OLFM2: variants seen among roughly 807,000 people sequenced by gnomAD.
OLFM2 encodes the protein olfactomedin 2, also known as noelin-2.
A neutral mutation model predicts 43.9 loss-of-function variants in OLFM2; 20 were observed. That is an observed-to-expected ratio of 0.46 (90% CI 0.32 to 0.66). OLFM2 has a LOEUF of 0.66. Among genes scored for constraint, OLFM2 ranks in the 30% least tolerant of loss-of-function variants. The probability of loss-of-function intolerance (pLI) is 0.04; values close to 1 mark genes in which losing one functional copy is unlikely to be tolerated. For missense variants in OLFM2, 416 were observed against 643.6 expected, an observed-to-expected ratio of 0.65 and a Z score of 3.83; for synonymous variants, 268 against 278.6, an observed-to-expected ratio of 0.96 and a Z score of 0.38.
At chr19:9,931,469 G>A (rs945209526) in intron 1 of OLFM2, among the ~76,000 whole-genome samples, 14 of 152,028 alleles carry the variant, frequency 9.2e-5, no homozygotes, top group African/African-American at 2.7e-4. Flanking sequence ...TTAGGAGGCC[G>A]AGGCAGACAA....
At chr19:9,855,397 C>A (rs187618346) in intron 5 of OLFM2, among the ~76,000 whole-genome samples, 8 of 151,790 alleles carry the variant, frequency 5.3e-5, no homozygotes, top group African/African-American at 1.9e-4. Context: ...CATCCCACCA[C>A]ACCCGGCTAA....
intron 1 of OLFM2, among the ~76,000 whole-genome samples, chr19:9,899,623 G>A (rs1285149209): frequency 6.6e-6 from 1 of 152,006 alleles, no homozygotes; most frequent in Non-Finnish European, 1.5e-5. Context: ...TGTAACCATG[G>A]CTCACTGCAG....
chr19:9,910,065 A>C (rs1308778527), intron 1 of OLFM2, among the ~76,000 whole-genome samples: 1 of 152,050 alleles, frequency 6.6e-6, no homozygotes, highest in Non-Finnish European at 1.5e-5. Context: ...ATTCCCCCTG[A>C]CTAATAAGGA....
At chr19:9,871,144 G>A (rs553772511) in intron 1 of OLFM2, among the ~76,000 whole-genome samples, 2 of 152,090 alleles carry the variant, frequency 1.3e-5, no homozygotes, top group Admixed American at 1.3e-4. Flanking sequence ...GGTGGCGAGA[G>A]CCTGTAATCC....
In OLFM2 at chr19:9,853,850, A is replaced by G; in HGVS notation, c.*336T>C. ...GAGTGAGGGATGAGGAATGGGTGGG[A>G]AGCAAGGAGGGAGGGGTGGAAGGAC... On this transcript the variant is annotated 3_prime_UTR_variant, in exon 6 of 6. Transcript: ENST00000264833. The G allele has an allele frequency of 1.9e-6, 1 of 513,486 alleles. No homozygotes were observed. Among genetic ancestry groups the G allele is most frequent in the Non-Finnish European group, 3.4e-6 (1 of 294,696 alleles). The allele number at this position is 513,486 out of a possible 1,614,324, so 31.8% of individuals were successfully genotyped here. A position where few individuals can be genotyped will look rare whatever the true frequency, so the allele number is the denominator to read the frequency against.
At chr19:9,918,240 G>C (rs1262923793) in intron 1 of OLFM2, among the ~76,000 whole-genome samples, 2 of 151,930 alleles carry the variant, frequency 1.3e-5, no homozygotes, top group African/African-American at 4.8e-5. Flanking sequence ...GCCCAGGCTG[G>C]AGTGCAGTGG....
chr19:9,854,415 A>G lies in OLFM2; in HGVS notation c.1136T>C (p.Val379Ala), dbSNP rs2046296476. The G allele has an allele frequency of 1.9e-6, 3 of 1,614,206 alleles. No individual in the cohort carries two copies. Among genetic ancestry groups the G allele is most frequent in the Non-Finnish European group, 2.5e-6 (3 of 1,180,044 alleles). ...CAGGTGGGAGTTGGTCACGTAGAGC[A>G]CACCGCAGATCATGAAGGCCTCGCC... The part of the protein sequence containing the change: ...SAGEAFMICG[V>A]LYVTNSHLAG... Residue 379 changes from valine to alanine, a missense_variant, in exon 6 of 6, where the codon GTG becomes GCG. Val to Ala is a moderately conservative substitution (Grantham distance 64). Transcript: ENST00000264833. The surrounding 1 kb of genome is among the most constrained non-coding windows in gnomAD (Gnocchi z 9.5).
intron 2 of OLFM2, among the ~76,000 whole-genome samples, chr19:9,859,278 A>G (rs529559493): frequency 1.4e-4 from 22 of 152,286 alleles, no homozygotes; most frequent in Admixed American, 3.9e-4. Flanking sequence ...ATTAAGTGGG[A>G]AATTCCAGAA....
intron 1 of OLFM2, among the ~76,000 whole-genome samples, chr19:9,889,202 C>T (rs1462858692): frequency 6.6e-6 from 1 of 151,812 alleles, no homozygotes; most frequent in African/African-American, 2.4e-5. Flanking sequence ...TGAGCTGTGG[C>T]CATGTGTCTC....
chr19:9,874,330 T>TTTA (rs1460011328), intron 1 of OLFM2, among the ~76,000 whole-genome samples: 3 of 149,000 alleles, frequency 2.0e-5, no homozygotes, highest in African/African-American at 7.4e-5. Context: ...CCACTGGCCT[T>TTTA]TTTTTTTTTT....
intron 1 of OLFM2, among the ~76,000 whole-genome samples, chr19:9,922,147 C>T (rs1224072231): frequency 6.6e-6 from 1 of 150,748 alleles, no homozygotes; most frequent in East Asian, 1.9e-4. Flanking sequence ...GATTAAAAGA[C>T]ACCACTAAGA....
In OLFM2 at chr19:9,853,953, A is replaced by G. The variant is rs1568364416; in HGVS notation, c.*233T>C. The G allele has an allele frequency of 6.9e-6, 4 of 580,940 alleles. No individual in the cohort carries two copies. Among genetic ancestry groups the G allele is most frequent in the South Asian group, 4.4e-5 (2 of 45,012 alleles). 36.0% of individuals were successfully genotyped at this position (580,940 alleles called of 1,614,324 possible). On this transcript the variant is annotated 3_prime_UTR_variant, in exon 6 of 6. Transcript: ENST00000264833. ...CCATAAAAAGAAAAAGACATCCATA[A>G]AAAGGCAGAAAGAAAGAAGTGGTGT... is the stretch of plus-strand genomic sequence containing the variant.
chr19:9,873,843 A>T (rs750817472), intron 1 of OLFM2, among the ~76,000 whole-genome samples: 59 of 108,294 alleles, frequency 5.4e-4, no homozygotes, highest in Non-Finnish European at 9.3e-4. Context: ...TAGAGACAGG[A>T]TCTCACTATG....
chr19:9,928,290 C>T (rs1034453831), intron 1 of OLFM2, among the ~76,000 whole-genome samples: 5 of 152,062 alleles, frequency 3.3e-5, no homozygotes, highest in Non-Finnish European at 7.4e-5. Flanking sequence ...CTGGGATTCA[C>T]CAGGACTCTC....
intron 1 of OLFM2, among the ~76,000 whole-genome samples, chr19:9,914,903 T>A: frequency 6.6e-6 from 1 of 151,736 alleles, no homozygotes; most frequent in East Asian, 2.0e-4. Context: ...GAGGCGGCGA[T>A]GACTCAGGCC....
intron 5 of OLFM2, among the ~76,000 whole-genome samples, chr19:9,855,468 C>T (rs2046309182): frequency 2.6e-5 from 4 of 151,772 alleles, no homozygotes; most frequent in Admixed American, 2.6e-4. Context: ...CTCAAACTCC[C>T]GACCTTGTGA....
intron 1 of OLFM2, among the ~76,000 whole-genome samples, chr19:9,872,510 G>C (rs952375039): frequency 9.9e-5 from 8 of 80,430 alleles, no homozygotes; most frequent in Non-Finnish European, 1.8e-4. Flanking sequence ...GCGAGACCCT[G>C]TCTCAAAAGA....
chr19:9,936,235 C>T (rs2086513986), intron 1 of OLFM2, 69 bp downstream of exon 1: 1 of 1,492,622 alleles, frequency 6.7e-7, no homozygotes, highest in Non-Finnish European at 9.0e-7. Flanking sequence ...CCCGTTTCTC[C>T]GGGAACCCTC....
At chr19:9,883,533 C>T (rs931420542) in intron 1 of OLFM2, among the ~76,000 whole-genome samples, 1 of 152,038 alleles carries the variant, frequency 6.6e-6, no homozygotes, top group Admixed American at 6.6e-5. Context: ...TCAAAGCTGC[C>T]GGAGAGAGGC....
Sources: allele counts gnomAD v4.1 joint callset (sites outside exome capture counted in the v4.1 genomes callset), GRCh38; gene constraint gnomAD v4.1.1; non-coding constraint Gnocchi (gnomAD v3.1); transcripts MANE v1.5; gene names NCBI Gene and HGNC (gene_info 2026-07-23, HGNC 2026-07-21).